ZCCHC7: variants seen among roughly 807,000 people sequenced by gnomAD.
The protein encoded by ZCCHC7 is zinc finger CCHC domain-containing protein 7.
ZCCHC7 carries 35 observed loss-of-function variants against 52.0 expected under a neutral mutation model. The ratio of observed to expected loss-of-function variants is 0.67; its 90% CI spans 0.51 to 0.89. ZCCHC7 has a LOEUF of 0.89. ZCCHC7 is among the 40% of genes least tolerant of loss of function. The pLI is 0.00. For missense variants in ZCCHC7, 574 were observed against 649.1 expected (o/e 0.88, Z 1.26); for synonymous variants, 217 against 221.5 (o/e 0.98, Z 0.18).
intron 2 of ZCCHC7, among the ~76,000 whole-genome samples, chr9:37,179,919 G>A (rs1822255937): frequency 1.3e-5 from 2 of 152,076 alleles, no homozygotes; most frequent in Admixed American, 6.6e-5. Context: ...TGAGTTTAGA[G>A]TCCATAAGTA....
At chr9:37,298,509 G>A (rs1057072745) in intron 2 of ZCCHC7, among the ~76,000 whole-genome samples, 1 of 152,150 alleles carries the variant, frequency 6.6e-6, no homozygotes, top group African/African-American at 2.4e-5. Flanking sequence ...ATATTCAGGA[G>A]GAAATGAGAC....
chr9:37,306,761 C>A (rs559490982), intron 5 of ZCCHC7, among the ~76,000 whole-genome samples: 68 of 85,882 alleles, frequency 7.9e-4, no homozygotes, highest in African/African-American at 2.7e-3. Flanking sequence ...CTGTACCCGA[C>A]CTTTTTTTTT....
intron 2 of ZCCHC7, among the ~76,000 whole-genome samples, chr9:37,275,249 A>C (rs1362831501): frequency 6.6e-6 from 1 of 151,400 alleles, no homozygotes; most frequent in African/African-American, 2.4e-5. Context: ...CTTTTGTGGC[A>C]GTACTTCCTT....
At chr9:37,260,017 G>A (rs928515021) in intron 2 of ZCCHC7, among the ~76,000 whole-genome samples, 2 of 152,054 alleles carry the variant, frequency 1.3e-5, no homozygotes, top group Non-Finnish European at 2.9e-5. Context: ...TGTTGCAGTG[G>A]TTTATAAAAC....
intron 2 of ZCCHC7, among the ~76,000 whole-genome samples, chr9:37,156,649 G>A (rs1180548317): frequency 6.6e-6 from 1 of 152,170 alleles, no homozygotes; most frequent in African/African-American, 2.4e-5. Flanking sequence ...TCGTTAAAAA[G>A]ATACCCACAT....
chr9:37,237,362 C>T (rs1313841418), intron 2 of ZCCHC7, among the ~76,000 whole-genome samples: 1 of 152,188 alleles, frequency 6.6e-6, no homozygotes, highest in African/African-American at 2.4e-5. Context: ...TGCTATCTTT[C>T]TAGCAAGACT....
chr9:37,350,345 T>C (rs1206915571), intron 7 of ZCCHC7, among the ~76,000 whole-genome samples: 1 of 152,132 alleles, frequency 6.6e-6, no homozygotes, highest in African/African-American at 2.4e-5. Context: ...TTAGCCAGGC[T>C]GGTCTCGAAC....
chr9:37,186,979 A>C (rs1318279901), intron 2 of ZCCHC7: 1 of 262,834 alleles, frequency 3.8e-6, no homozygotes, highest in Admixed American at 5.5e-5. Context: ...TTCTAAAATA[A>C]GTAAAAACAA....
At chr9:37,291,894 TG>T (rs770820513) in intron 2 of ZCCHC7, among the ~76,000 whole-genome samples, 12 of 152,338 alleles carry the variant, frequency 7.9e-5, no homozygotes, top group East Asian at 7.7e-4. Context: ...GGTTTCTCCA[TG>T]TTGGTCAGGC....
Position 37,220,466 on chromosome 9 carries a change from C to T in ZCCHC7, c.611-81722C>T, listed in dbSNP as rs1296782199. 8.5e-5 allele frequency among the ~76,000 whole-genome samples: 13 copies of T among 152,188 alleles called. No homozygotes were observed. In the East Asian group the frequency reaches 1.4e-3, roughly 16 times the overall value. Reference sequence around the variant, plus strand: ...CTGAGGCAGGAGAATAACCTGAACCCGGGAGGCGAAAGTTGCAGTGAGCTG... The same window carrying T: ...CTGAGGCAGGAGAATAACCTGAACCTGGGAGGCGAAAGTTGCAGTGAGCTG... On this transcript the variant is annotated intron_variant, in intron 2 of 8. Transcript: ENST00000336755.
intron 2 of ZCCHC7, among the ~76,000 whole-genome samples, chr9:37,223,812 T>C (rs1824952008): frequency 6.6e-6 from 1 of 152,148 alleles, no homozygotes; most frequent in Admixed American, 6.5e-5. Flanking sequence ...TGTGGTATAG[T>C]CTATAACCAT....
intron 2 of ZCCHC7, among the ~76,000 whole-genome samples, chr9:37,266,999 A>T (rs571196880): frequency 6.6e-6 from 1 of 152,346 alleles, no homozygotes; most frequent in East Asian, 1.9e-4. Flanking sequence ...AAATGGTCAA[A>T]AAAATGTTAT....
intron 2 of ZCCHC7, among the ~76,000 whole-genome samples, chr9:37,187,330 G>A (rs1407478134): frequency 6.6e-6 from 1 of 152,202 alleles, no homozygotes; most frequent in South Asian, 2.1e-4. Flanking sequence ...TCAGACATTA[G>A]ATTATCATAA....
chr9:37,295,923 G>A (rs1183832824), intron 2 of ZCCHC7, among the ~76,000 whole-genome samples: 2 of 152,106 alleles, frequency 1.3e-5, no homozygotes, highest in Non-Finnish European at 2.9e-5. Flanking sequence ...ACCACAAAGG[G>A]GGACAAGAGA....
At chr9:37,287,855 T>C (rs1828329502) in intron 2 of ZCCHC7, among the ~76,000 whole-genome samples, 2 of 152,146 alleles carry the variant, frequency 1.3e-5, no homozygotes, top group South Asian at 4.1e-4. Context: ...GCTTTTTTGC[T>C]CCATAAAAGT....
intron 2 of ZCCHC7, among the ~76,000 whole-genome samples, chr9:37,272,481 A>G (rs138594632): frequency 6.7e-6 from 1 of 148,610 alleles, no homozygotes; most frequent in Admixed American, 6.7e-5. Context: ...CATGTTTCAA[A>G]GCTGTGTGGT....
intron 2 of ZCCHC7, among the ~76,000 whole-genome samples, chr9:37,134,227 A>G (rs1329746260): frequency 6.6e-6 from 1 of 150,972 alleles, no homozygotes; most frequent in African/African-American, 2.5e-5. Flanking sequence ...CCTTTAATGT[A>G]TAGGTTCCCC....
At chr9:37,136,507 G>GAGT (rs1317223212) in intron 2 of ZCCHC7, among the ~76,000 whole-genome samples, 1 of 151,990 alleles carries the variant, frequency 6.6e-6, no homozygotes, top group Non-Finnish European at 1.5e-5. Context: ...ACCCAGGCAG[G>GAGT]AGTACAGTAT....
chr9:37,209,394 G>A (rs763346892), intron 2 of ZCCHC7, among the ~76,000 whole-genome samples: 4 of 151,702 alleles, frequency 2.6e-5, no homozygotes, highest in Admixed American at 1.3e-4. Context: ...TGCAGGTATC[G>A]TGCCCTCTGT....
Sources: gnomAD v4.1 joint callset for allele counts (sites outside exome capture counted in the v4.1 genomes callset) on GRCh38, gnomAD v4.1.1 for gene constraint, MANE v1.5 for transcripts, NCBI Gene and HGNC (gene_info 2026-07-23, HGNC 2026-07-21) for gene names.